Variants in PLXNA2 observed in about 807,000 individuals in gnomAD.
PLXNA2 encodes plexin A2, also known as plexin-A2.
PLXNA2 carries 91 observed loss-of-function variants against 193.5 expected under a neutral mutation model. The ratio of observed to expected loss-of-function variants is 0.47; its 90% confidence interval spans 0.40 to 0.56. PLXNA2 has a LOEUF of 0.56. Ranked by LOEUF, PLXNA2 falls within the 20% of genes least tolerant of loss-of-function variation. The pLI is 0.00. For synonymous variants in PLXNA2, 997 were observed against 1,027.3 expected (o/e 0.97, Z 0.56); for missense variants, 1,995 against 2,503.2 (o/e 0.80, Z 4.33).
chr1:208,112,586 A>G (rs983563711), intron 4 of PLXNA2, among the ~76,000 whole-genome samples: 2 of 152,194 alleles, frequency 1.3e-5, no homozygotes, highest in South Asian at 4.1e-4. Flanking sequence ...CAGTGCTAGC[A>G]TGGAAAAGCT....
chr1:208,217,265 C>A lies in PLXNA2; in HGVS notation c.658G>T (p.Asp220Tyr), dbSNP rs1167131844. ...ATCTTGATGAGAGAGGAGACAAAAT[C>A]GCTGTGTAGCTCATAGTCGAGCATG... is the stretch of plus-strand genomic sequence containing the variant. Reference protein sequence around the residue: ...SAMLDYELHSDFVSSLIKIPS... With the variant: ...SAMLDYELHSYFVSSLIKIPS... Residue 220 changes from aspartate (D) to tyrosine (Y), a missense_variant, in exon 2 of 32, where the codon GAT becomes TAT. Physicochemically the swap from Asp to Tyr is radical, Grantham distance 160. Coordinates refer to ENST00000367033, the MANE Select transcript of PLXNA2 (RefSeq NM_025179.4). This position sits in a 1 kb window ranked among gnomAD's most constrained non-coding sequence, Gnocchi z 4.7. 1 of 1,614,002 alleles carries A rather than the reference C, an allele frequency of 6.2e-7. No homozygotes were observed. Among genetic ancestry groups the A allele is most frequent in the Non-Finnish European group, 8.5e-7 (1 of 1,180,026 alleles).
At chr1:208,094,073 T>A (rs1037566050) in intron 8 of PLXNA2, among the ~76,000 whole-genome samples, 8 of 152,254 alleles carry the variant, frequency 5.3e-5, no homozygotes, top group Admixed American at 2.0e-4. Flanking sequence ...AGCATTTTTA[T>A]CCCATTCTCC....
chr1:208,094,675 G>C (rs983371256), intron 8 of PLXNA2, among the ~76,000 whole-genome samples: 4 of 152,292 alleles, frequency 2.6e-5, no homozygotes, highest in African/African-American at 9.6e-5. Flanking sequence ...TTAGAGGGCA[G>C]CTTTGTCTAT....
intron 2 of PLXNA2, 127 bp downstream of exon 2, chr1:208,216,608 T>A (rs1443353446): frequency 1.0e-5 from 11 of 1,097,610 alleles, no homozygotes; most frequent in Non-Finnish European, 1.2e-5. Context: ...CCTGATAACC[T>A]GAGTCTGAAA....
rs1666134087 is a variant in PLXNA2 at position 208,075,995 on chromosome 1, TTGCAGTGAGCCAAGATTGCGCCAC to T, written c.2586+3241_2586+3264del. Reference sequence around the variant, plus strand: ...ATTATTTGAACCCAGGAGGTGGAGGTTGCAGTGAGCCAAGATTGCGCCACTGCAGTCCAGCCTGGGCGACAGAGT... The same window carrying T: ...ATTATTTGAACCCAGGAGGTGGAGGTTGCAGTCCAGCCTGGGCGACAGAGT... On this transcript the variant is annotated intron_variant, in intron 12 of 31. Coordinates refer to ENST00000367033, the MANE Select transcript of PLXNA2 (RefSeq NM_025179.4). Among the ~76,000 whole-genome samples the T allele has an allele frequency of 2.0e-5, 3 of 149,996 alleles. No homozygotes were observed. The South Asian group carries it at 6.6e-4, about 33-fold the overall frequency.
chr1:208,148,745 T>C (rs1426986215), intron 3 of PLXNA2, among the ~76,000 whole-genome samples: 1 of 152,144 alleles, frequency 6.6e-6, no homozygotes, highest in Non-Finnish European at 1.5e-5. Context: ...GAGAAGAGGT[T>C]TGCATGGGGG....
intron 2 of PLXNA2, among the ~76,000 whole-genome samples, chr1:208,215,596 A>G (rs1288411792): frequency 2.0e-5 from 3 of 151,948 alleles, no homozygotes; most frequent in Non-Finnish European, 2.9e-5. Flanking sequence ...AGATGAATGG[A>G]GGTTTAGGTA....
chr1:208,069,294 C>T (rs902926141), intron 12 of PLXNA2, among the ~76,000 whole-genome samples: 5 of 152,200 alleles, frequency 3.3e-5, no homozygotes, highest in Non-Finnish European at 7.3e-5. Context: ...GCTCAGACCC[C>T]ACCTTGACAG....
intron 4 of PLXNA2, among the ~76,000 whole-genome samples, chr1:208,136,623 G>A (rs1181806269): frequency 2.6e-5 from 4 of 152,136 alleles, no homozygotes; most frequent in African/African-American, 7.2e-5. Context: ...TGAGGGGAGC[G>A]GGACTGTTTA....
At chr1:208,090,013 G>A (rs1444174828) in intron 9 of PLXNA2, among the ~76,000 whole-genome samples, 1 of 152,216 alleles carries the variant, frequency 6.6e-6, no homozygotes, top group Non-Finnish European at 1.5e-5. Flanking sequence ...GGGCCTGGCT[G>A]CTGTTTGCTG....
intron 3 of PLXNA2, among the ~76,000 whole-genome samples, chr1:208,157,968 C>T (rs1668990088): frequency 6.6e-6 from 1 of 152,208 alleles, no homozygotes; most frequent in Non-Finnish European, 1.5e-5. Context: ...AAGCTTTCCA[C>T]ACCATCCTTG....
intron 4 of PLXNA2, among the ~76,000 whole-genome samples, chr1:208,123,057 C>A (rs1667855256): frequency 1.3e-5 from 2 of 152,144 alleles, no homozygotes; most frequent in African/African-American, 4.8e-5. Flanking sequence ...ACCCCATACC[C>A]ATTAGTAGTC....
At chr1:208,150,476 CTT>C (rs1337240930) in intron 3 of PLXNA2, among the ~76,000 whole-genome samples, 4 of 152,100 alleles carry the variant, frequency 2.6e-5, no homozygotes, top group African/African-American at 9.7e-5. Flanking sequence ...GTTCTCTGGA[CTT>C]TTGCATCTTG....
At chr1:208,050,472 A>G (rs1665221058) in intron 17 of PLXNA2, among the ~76,000 whole-genome samples, 2 of 152,222 alleles carry the variant, frequency 1.3e-5, no homozygotes, top group Admixed American at 6.5e-5. Flanking sequence ...TAAACTCAGA[A>G]GCCAGTACTT....
rs757470444 is a variant in PLXNA2 at position 208,054,453 on chromosome 1, T to C, written c.2824A>G (p.Met942Val). ...GTGTACTGCTGATGGGACTTCGTCA[T>C]GAACTCTGGCTTACACTCGCCAATA... is the stretch of plus-strand genomic sequence containing the variant. ...LCIGECKPEF[M>V]TKSHQQYTFV... is the part of the protein sequence containing the mutation. Residue 942 changes from methionine to valine, a missense_variant, in exon 14 of 32, where the codon ATG becomes GTG. Around this residue, in one of 3 missense-constraint regions of PLXNA2, gnomAD observed 1,291 missense variants for 1,673.6 expected, o/e 0.77. Coordinates refer to ENST00000367033, the MANE Select transcript of PLXNA2 (RefSeq NM_025179.4). 3.1e-6 allele frequency: 5 copies of C among 1,614,152 alleles called. No homozygotes were observed. The highest frequency in any genetic ancestry group is 1.3e-5 in the African/African-American group (1 of 75,064).
rs1408648585 is a variant in PLXNA2, at chr1:208,102,732, C to T, written c.1607+415G>A. 3.3e-5 allele frequency among the ~76,000 whole-genome samples: 5 copies of T among 152,342 alleles called. No homozygotes were observed. In the East Asian group the frequency reaches 9.7e-4, roughly 29 times the overall value. On this transcript the variant is annotated intron_variant, in intron 5 of 31. Coordinates refer to ENST00000367033, the MANE Select transcript of PLXNA2 (RefSeq NM_025179.4). ...AGGGGACCCATCCAGGGTCACACAG[C>T]AGCTAGCTGGAGTCTAAACCTCCCA...
intron 1 of PLXNA2, among the ~76,000 whole-genome samples, chr1:208,240,005 C>T (rs1377549176): frequency 6.6e-6 from 1 of 152,144 alleles, no homozygotes; most frequent in African/African-American, 2.4e-5. Context: ...ATTCTTTCAC[C>T]CAAGAGAGAG....
intron 5 of PLXNA2, among the ~76,000 whole-genome samples, chr1:208,102,348 T>C (rs972253079): frequency 3.9e-5 from 6 of 152,238 alleles, no homozygotes; most frequent in African/African-American, 9.6e-5. Context: ...TCCAACTCCA[T>C]TGGGCAACAG....
intron 3 of PLXNA2, among the ~76,000 whole-genome samples, chr1:208,189,557 C>T: frequency 6.6e-6 from 1 of 151,490 alleles, no homozygotes; most frequent in Non-Finnish European, 1.5e-5. Flanking sequence ...GATGAGCATA[C>T]TGGCTAGCAT....
Sources: allele counts gnomAD v4.1 joint callset (sites outside exome capture counted in the v4.1 genomes callset), GRCh38; gene constraint gnomAD v4.1.1; regional missense constraint gnomAD v4.1.1; non-coding constraint Gnocchi (gnomAD v3.1); transcripts MANE v1.5; gene names NCBI Gene and HGNC (gene_info 2026-07-23, HGNC 2026-07-21).